The following CRKL variants were observed in gnomAD, a reference collection of about 807,000 sequenced individuals.
CRKL encodes CRK like proto-oncogene, adaptor protein, also known as crk-like protein.
Under a neutral mutation model 23.0 loss-of-function variants are expected in CRKL, and 3 were observed. That is an observed-to-expected ratio of 0.13 (90% CI 0.06 to 0.34). The LOEUF (loss-of-function observed/expected upper bound fraction) is 0.34, where lower values mean the gene tolerates loss of function less well. CRKL is among the 10% of genes least tolerant of loss of function. The pLI is 1.00. For synonymous variants in CRKL, 188 were observed against 160.7 expected, an observed-to-expected ratio of 1.17 and a Z score of -1.28; for missense variants, 256 against 394.5, an observed-to-expected ratio of 0.65 and a Z score of 2.97.
At chr22:20,941,310 CT>C (rs1429714377) in intron 2 of CRKL, among the ~76,000 whole-genome samples, 2 of 151,742 alleles carry the variant, frequency 1.3e-5, no homozygotes, top group African/African-American at 2.4e-5. Flanking sequence ...CTCCTTGGAC[CT>C]TTCATCAGGA....
chr22:20,937,939 C>A (rs1601681710), intron 2 of CRKL, among the ~76,000 whole-genome samples: 1 of 151,956 alleles, frequency 6.6e-6, no homozygotes, highest in Non-Finnish European at 1.5e-5. Flanking sequence ...GCATGATCTC[C>A]GCTCGCTGCA....
intron 2 of CRKL, among the ~76,000 whole-genome samples, chr22:20,938,779 CA>C (rs940206010): frequency 1.3e-5 from 2 of 152,186 alleles, no homozygotes; most frequent in African/African-American, 4.8e-5. Flanking sequence ...TGGGTACACA[CA>C]CCCATGACTA....
intron 2 of CRKL, among the ~76,000 whole-genome samples, chr22:20,942,259 T>C (rs7292964): frequency 0.77 from 116,433 of 152,116 alleles, 45,138 homozygotes; most frequent in East Asian, 0.92. Flanking sequence ...AAACTTCATT[T>C]CTTGTCCCAG....
intron 1 of CRKL, among the ~76,000 whole-genome samples, chr22:20,921,606 G>A (rs1482199971): frequency 6.6e-6 from 1 of 152,206 alleles, no homozygotes; most frequent in African/African-American, 2.4e-5. Flanking sequence ...GCAAGGCTTG[G>A]CCTGAGAGGA....
intron 1 of CRKL, among the ~76,000 whole-genome samples, chr22:20,919,202 TTTTATAGTACGTTAA>T (rs1929798797): frequency 6.6e-6 from 1 of 152,140 alleles, no homozygotes; most frequent in Non-Finnish European, 1.5e-5. Context: ...ACACCACCAC[TTTTATAGTACGTTAA>T]TTACAAAGAT....
intron 1 of CRKL, among the ~76,000 whole-genome samples, chr22:20,927,340 A>G (rs1294235903): frequency 6.7e-6 from 1 of 148,306 alleles, no homozygotes; most frequent in Non-Finnish European, 1.5e-5. Flanking sequence ...ACAGGCGCCC[A>G]CCACCATGCC....
At chr22:20,940,711 A>C (rs1921842589) in intron 2 of CRKL, among the ~76,000 whole-genome samples, 1 of 150,112 alleles carries the variant, frequency 6.7e-6, no homozygotes, top group Non-Finnish European at 1.5e-5. Flanking sequence ...TTCTTCTTGG[A>C]TTGTCTTTGC....
In CRKL at chr22:20,949,852, T is replaced by C; in HGVS notation, c.*7T>C. ...CCCAGATGAAAACGAGTGATTGCTG[T>C]TGCCCTGTTTCCTGCTGCTTTGTTG... is the stretch of plus-strand genomic sequence containing the variant. On this transcript the variant is annotated 3_prime_UTR_variant, in exon 3 of 3. Coordinates refer to ENST00000354336, the MANE Select transcript of CRKL (RefSeq NM_005207.4). 1 of 1,601,540 alleles carries C rather than the reference T, an allele frequency of 6.2e-7. No individual in the cohort carries two copies. Among genetic ancestry groups the C allele is most frequent in the South Asian group, 1.1e-5 (1 of 88,690 alleles).
Position 20,952,934 on chromosome 22 carries a change from T to G in CRKL, c.*3089T>G. The G allele has an allele frequency of 4.3e-6, 1 of 231,088 alleles. No individual in the cohort carries two copies. The highest frequency in any genetic ancestry group is 8.6e-6 in the Non-Finnish European group (1 of 116,456). 14.3% of individuals were successfully genotyped at this position (231,088 alleles called of 1,614,324 possible). On this transcript the variant is annotated 3_prime_UTR_variant, in exon 3 of 3. Coordinates refer to ENST00000354336, the MANE Select transcript of CRKL (RefSeq NM_005207.4). ...CCAGACTAGACACCTTCTGTGCTCA[T>G]GTTTGGAAAGCTGAAAGGGAAGGAC...
chr22:20,941,565 TGTGTGTGTGTGTG>T (rs1921877081), intron 2 of CRKL, among the ~76,000 whole-genome samples: 2 of 45,668 alleles, frequency 4.4e-5, no homozygotes, highest in East Asian at 9.0e-4. Context: ...TGTGTGTGTG[TGTGTGTGTGTGTG>T]TATATATATA....
intron 2 of CRKL, among the ~76,000 whole-genome samples, chr22:20,940,826 G>A (rs1921845607): frequency 6.6e-6 from 1 of 152,014 alleles, no homozygotes; most frequent in Admixed American, 6.6e-5. Flanking sequence ...GACTGACCTG[G>A]AATTATCAGA....
At chr22:20,947,300 CA>C (rs1922100918) in intron 2 of CRKL, among the ~76,000 whole-genome samples, 1 of 149,362 alleles carries the variant, frequency 6.7e-6, no homozygotes, top group South Asian at 2.1e-4. Context: ...TGGTCTTGAA[CA>C]TGTGGCCTCA....
At chr22:20,924,805 A>G (rs975386275) in intron 1 of CRKL, among the ~76,000 whole-genome samples, 1 of 152,026 alleles carries the variant, frequency 6.6e-6, no homozygotes, top group Non-Finnish European at 1.5e-5. Context: ...GTGCAGCTGG[A>G]CTCCATCCTG....
rs115602808 is a variant in CRKL at position 20,942,538 on chromosome 22, C to A, written c.778-7173C>A. Among the ~76,000 whole-genome samples, 1,184 of 152,214 alleles carry A rather than the reference C, an allele frequency of 7.8e-3. 11 individuals carry two copies. Among genetic ancestry groups the A allele is most frequent in the African/African-American group, 0.026 (1,090 of 41,526 alleles). The stretch of plus-strand genomic sequence containing the variant: ...TGAATAATGCTGCAGTGGACATTGA[C>A]ACACAAATGTTTGAGTCCTTGCTTT... On this transcript the variant is annotated intron_variant, in intron 2 of 2. Transcript: ENST00000354336.
chr22:20,948,218 A>G (rs1054940249), intron 2 of CRKL, among the ~76,000 whole-genome samples: 1 of 152,164 alleles, frequency 6.6e-6, no homozygotes, highest in African/African-American at 2.4e-5. Flanking sequence ...GCAGCTTTCA[A>G]TCCTTAGCCT....
At chr22:20,926,444 G>T (rs1198189245) in intron 1 of CRKL, among the ~76,000 whole-genome samples, 2 of 152,164 alleles carry the variant, frequency 1.3e-5, no homozygotes, top group African/African-American at 4.8e-5. Context: ...AAGGTGAGGG[G>T]AGAGGTATGA....
intron 1 of CRKL, among the ~76,000 whole-genome samples, chr22:20,924,965 G>A (rs963355144): frequency 1.3e-5 from 2 of 152,034 alleles, no homozygotes; most frequent in Non-Finnish European, 2.9e-5. Flanking sequence ...TTAGGCGGGC[G>A]GATCATGAGG....
At chr22:20,944,495 C>G (rs1744660295) in intron 2 of CRKL, among the ~76,000 whole-genome samples, 2 of 152,076 alleles carry the variant, frequency 1.3e-5, no homozygotes, top group South Asian at 4.1e-4. Context: ...ACCTCCACCT[C>G]CCTGGTTCAA....
intron 1 of CRKL, among the ~76,000 whole-genome samples, chr22:20,930,713 ATAGAGTCT>A (rs1034270553): frequency 4.1e-5 from 3 of 73,906 alleles, no homozygotes; most frequent in African/African-American, 1.7e-4. Flanking sequence ...TTTTTTTGAG[ATAGAGTCT>A]TAACTGTTTC....
Sources: gnomAD v4.1 joint callset for allele counts (sites outside exome capture counted in the v4.1 genomes callset) on GRCh38, gnomAD v4.1.1 for gene constraint, MANE v1.5 for transcripts, NCBI Gene and HGNC (gene_info 2026-07-23, HGNC 2026-07-21) for gene names.